The following UROC1 variants were observed in gnomAD, a reference collection of about 807,000 sequenced individuals.
The protein encoded by UROC1 is urocanate hydratase.
UROC1 carries 79 observed loss-of-function variants against 89.5 expected under a neutral mutation model. The ratio of observed to expected loss-of-function variants is 0.88; its 90% CI spans 0.74 to 1.06. The LOEUF (loss-of-function observed/expected upper bound fraction) is 1.06. Ranked by LOEUF, UROC1 falls within the 50% of genes least tolerant of loss-of-function variation. The pLI, the probability that UROC1 is intolerant of heterozygous loss-of-function variation, is 0.00. For synonymous variants in UROC1, 361 were observed against 354.8 expected, an observed-to-expected ratio of 1.02 and a Z score of -0.20; for missense variants, 885 against 907.8, an observed-to-expected ratio of 0.97 and a Z score of 0.32.
chr3:126,507,713 G>C, intron 6 of UROC1, 29 bp downstream of exon 6: 1 of 1,610,538 alleles, frequency 6.2e-7, no homozygotes. Context: ...GGGGAAACAC[G>C]GTGTAAACAG....
intron 17 of UROC1, among the ~76,000 whole-genome samples, 179 bp downstream of exon 17, chr3:126,489,073 GCTGGCCCGGTGTGCCTGGCACTTA>G (rs1343648848): frequency 1.3e-5 from 2 of 152,208 alleles, no homozygotes; most frequent in Non-Finnish European, 2.9e-5. Flanking sequence ...AGGGCACCCA[GCTGGCCCGGTGTGCCTGGCACTTA>G]CCGGTTTTAC....
chr3:126,515,115 A>T (rs749991412), intron 1 of UROC1, among the ~76,000 whole-genome samples: 3 of 152,004 alleles, frequency 2.0e-5, no homozygotes, highest in Non-Finnish European at 4.4e-5. Context: ...CTCCACCTGG[A>T]GCCACCTTCT....
intron 6 of UROC1, 30 bp from the exon 7 acceptor site, chr3:126,506,041 G>C: frequency 6.2e-7 from 1 of 1,613,064 alleles, no homozygotes; most frequent in Non-Finnish European, 8.5e-7. Flanking sequence ...CCAAGCCCAG[G>C]GCTCAGCCAG....
Position 126,507,895 on chromosome 3 carries a change from G to T in UROC1, c.540+72C>A. ...ATGATGCACAGCGTTGGGGCACTGG[G>T]CTTTCTTTCCAGCGTCTGCACCCTC... On this transcript the variant is annotated intron_variant, in intron 5 of 19. Coordinates refer to ENST00000290868, the MANE Select transcript of UROC1 (RefSeq NM_144639.3). The T allele has an allele frequency of 1.9e-6, 3 of 1,612,566 alleles. No homozygotes were observed. The South Asian group carries it at 3.3e-5, about 18-fold the overall frequency.
chr3:126,502,838 TCATGTGTGTTA>T (rs1235803888), intron 9 of UROC1, among the ~76,000 whole-genome samples: 2 of 151,822 alleles, frequency 1.3e-5, no homozygotes, highest in Non-Finnish European at 1.5e-5. Flanking sequence ...TTAAGTGTGT[TCATGTGTGTTA>T]CATGTGTGTT....
chr3:126,498,774 G>A (rs1393166443), intron 13 of UROC1, among the ~76,000 whole-genome samples: 7 of 152,088 alleles, frequency 4.6e-5, no homozygotes, highest in South Asian at 2.1e-4. Context: ...TCTCTCTCTC[G>A]TCCCATGTGG....
chr3:126,484,520 C>G (rs1452661854), intron 18 of UROC1, among the ~76,000 whole-genome samples: 1 of 152,198 alleles, frequency 6.6e-6, no homozygotes, highest in Non-Finnish European at 1.5e-5. Flanking sequence ...ATCTAGTTTC[C>G]CTTGTCTCAA....
chr3:126,509,367 T>C (rs1247850609), intron 3 of UROC1, among the ~76,000 whole-genome samples: 1 of 152,226 alleles, frequency 6.6e-6, no homozygotes, highest in Admixed American at 6.5e-5. Context: ...GTGTGTCCAC[T>C]GCAGCCACAG....
chr3:126,494,718 G>C (rs1207474665), intron 15 of UROC1, among the ~76,000 whole-genome samples: 3 of 152,168 alleles, frequency 2.0e-5, no homozygotes, highest in Non-Finnish European at 4.4e-5. Context: ...CTTGTGCAAG[G>C]GCTGGTCCCT....
chr3:126,511,095 G>T (rs963904329), intron 1 of UROC1, among the ~76,000 whole-genome samples: 2 of 152,172 alleles, frequency 1.3e-5, no homozygotes, highest in Non-Finnish European at 2.9e-5. Context: ...GCAGGCACCA[G>T]AGAGGGGCCT....
chr3:126,495,992 T>C (rs1449979234), intron 15 of UROC1, 46 bp downstream of exon 15: 5 of 1,590,018 alleles, frequency 3.1e-6, no homozygotes, highest in Non-Finnish European at 4.3e-6. Flanking sequence ...TGGGCAGTCT[T>C]CTGACAGCAC....
intron 1 of UROC1, among the ~76,000 whole-genome samples, chr3:126,512,057 T>A (rs1470279774): frequency 2.0e-5 from 3 of 152,246 alleles, no homozygotes; most frequent in East Asian, 3.8e-4. Context: ...CAATAAATAT[T>A]CTTTTAAGTG....
intron 16 of UROC1, 30 bp from the exon 17 acceptor site, chr3:126,489,405 CA>C (rs1935594668): frequency 6.3e-7 from 1 of 1,580,802 alleles, no homozygotes. Context: ...AGCTGTCAGC[CA>C]ACAGTGTCCA....
chr3:126,500,456 T>A (rs989424546), intron 11 of UROC1, among the ~76,000 whole-genome samples: 2 of 152,026 alleles, frequency 1.3e-5, no homozygotes, highest in Non-Finnish European at 2.9e-5. Flanking sequence ...AGCATCTACT[T>A]GGCGCCATGC....
At position 126,499,372 on chromosome 3, in the gene UROC1, C is replaced by T. The variant is rs781228265; in HGVS notation, c.1281G>A (p.Glu427=). ...GCTGCACATAGGAAGGGTAGCGGAA[C>T]TCTGTCCTGCCAGCACCTTTCTTCT... ...DVEKKGAGRT[E]FRYPSYVQHI... is the part of the protein sequence containing the mutation. The change falls in exon 13 of 20, where the codon GAG becomes GAA. Residue 427 remains glutamate (E), a synonymous_variant. Coordinates refer to ENST00000290868, the MANE Select transcript of UROC1 (RefSeq NM_144639.3). The T allele has an allele frequency of 6.8e-6, 11 of 1,612,680 alleles. No homozygotes were observed. Among genetic ancestry groups the T allele is most frequent in the Non-Finnish European group, 9.3e-6 (11 of 1,179,778 alleles).
chr3:126,508,393 C>A (rs367929046), intron 4 of UROC1, 23 bp downstream of exon 4: 1 of 1,612,542 alleles, frequency 6.2e-7, no homozygotes, highest in Non-Finnish European at 8.5e-7. Flanking sequence ...GGGGTGGGGA[C>A]GAGGCCACAC....
At chr3:126,508,172 C>A (rs1471584026) in intron 4 of UROC1, 77 bp from the exon 5 acceptor site, 3 of 1,610,802 alleles carry the variant, frequency 1.9e-6, no homozygotes, top group Non-Finnish European at 8.5e-7. Flanking sequence ...ACCGTCCACG[C>A]CTGGACAGCT....
intron 9 of UROC1, among the ~76,000 whole-genome samples, chr3:126,502,243 CTGTG>C (rs1414923240): frequency 2.0e-5 from 3 of 148,270 alleles, no homozygotes; most frequent in Non-Finnish European, 4.5e-5. Flanking sequence ...GTGCATGTGT[CTGTG>C]TGTTTATGTG....
intron 6 of UROC1, among the ~76,000 whole-genome samples, chr3:126,506,958 A>G (rs899718721): frequency 1.3e-5 from 2 of 152,190 alleles, no homozygotes; most frequent in Admixed American, 6.5e-5. Context: ...ACATGCCTGT[A>G]ATCCCAGCTA....
Sources: gnomAD v4.1 joint callset for allele counts (sites outside exome capture counted in the v4.1 genomes callset) on GRCh38, gnomAD v4.1.1 for gene constraint, MANE v1.5 for transcripts, NCBI Gene and HGNC (gene_info 2026-07-23, HGNC 2026-07-21) for gene names.